Variants in IGF1R observed in about 807,000 individuals in gnomAD.
IGF1R encodes insulin like growth factor 1 receptor.
A neutral mutation model predicts 144.6 loss-of-function variants in IGF1R; 44 were observed. The observed-to-expected ratio is 0.30, with a 90% CI of 0.24 to 0.39. IGF1R has a LOEUF of 0.39. IGF1R is among the 10% of genes least tolerant of loss of function. The pLI, the probability that IGF1R is intolerant of heterozygous loss-of-function variation, is 1.00. For synonymous variants in IGF1R, 795 were observed against 722.8 expected, an observed-to-expected ratio of 1.10 and a Z score of -1.60; for missense variants, 1,355 against 1,833.7, an observed-to-expected ratio of 0.74 and a Z score of 4.77.
chr15:98,803,013 T>A (rs1402940817), intron 2 of IGF1R, among the ~76,000 whole-genome samples: 1 of 152,240 alleles, frequency 6.6e-6, no homozygotes, highest in Non-Finnish European at 1.5e-5. Flanking sequence ...GCTGTTTTTT[T>A]AAAGCTGGAT....
At chr15:98,717,681 T>G (rs1278552510) in intron 2 of IGF1R, among the ~76,000 whole-genome samples, 1 of 152,226 alleles carries the variant, frequency 6.6e-6, no homozygotes, top group East Asian at 1.9e-4. Context: ...TTATTTTGTT[T>G]GCAAGTTTGG....
chr15:98,774,497 T>C (rs1221594734), intron 2 of IGF1R, among the ~76,000 whole-genome samples: 2 of 152,158 alleles, frequency 1.3e-5, no homozygotes, highest in East Asian at 3.9e-4. Flanking sequence ...AGAAGAAATA[T>C]AGAATATTAT....
intron 1 of IGF1R, among the ~76,000 whole-genome samples, chr15:98,654,398 G>A (rs921305467): frequency 1.3e-5 from 2 of 152,162 alleles, no homozygotes; most frequent in Non-Finnish European, 2.9e-5. Flanking sequence ...TTGTAAGAAA[G>A]ATGGAACTTA....
chr15:98,765,037 A>T (rs1299922638), intron 2 of IGF1R, among the ~76,000 whole-genome samples: 1 of 152,168 alleles, frequency 6.6e-6, no homozygotes, highest in Non-Finnish European at 1.5e-5. Flanking sequence ...CCTATTTTGC[A>T]TAGTGCATAT....
chr15:98,895,013 C>G (rs1408061149), intron 3 of IGF1R, among the ~76,000 whole-genome samples: 1 of 132,698 alleles, frequency 7.5e-6, no homozygotes, highest in Non-Finnish European at 1.6e-5. Context: ...AGAGTGAGAC[C>G]CTGTCTCAAA....
intron 2 of IGF1R, among the ~76,000 whole-genome samples, chr15:98,759,977 A>G (rs1409510442): frequency 1.3e-5 from 2 of 152,216 alleles, no homozygotes; most frequent in Admixed American, 6.5e-5. Context: ...CTTTGCTGCC[A>G]CATTTTGCTT....
At chr15:98,778,620 T>A (rs1329481512) in intron 2 of IGF1R, among the ~76,000 whole-genome samples, 1 of 152,232 alleles carries the variant, frequency 6.6e-6, no homozygotes, top group African/African-American at 2.4e-5. Context: ...GGTGGCCATA[T>A]CCTGATTTCC....
intron 2 of IGF1R, among the ~76,000 whole-genome samples, chr15:98,735,051 A>T (rs1448819053): frequency 6.6e-6 from 1 of 152,038 alleles, no homozygotes; most frequent in Non-Finnish European, 1.5e-5. Flanking sequence ...GGCAGTGCTG[A>T]TTAGATTGTG....
chr15:98,655,461 A>G (rs999546260), intron 1 of IGF1R, among the ~76,000 whole-genome samples: 1 of 152,082 alleles, frequency 6.6e-6, no homozygotes, highest in African/African-American at 2.4e-5. Flanking sequence ...GGAAAAACTG[A>G]TATTTCCTTA....
intron 1 of IGF1R, among the ~76,000 whole-genome samples, chr15:98,654,604 T>C (rs1266243841): frequency 1.3e-5 from 2 of 152,086 alleles, no homozygotes; most frequent in East Asian, 3.9e-4. Context: ...TCTTTATAGG[T>C]TGTGATTTTC....
At position 98,923,977 on chromosome 15, in the gene IGF1R, C is replaced by T. The variant is rs768971728; in HGVS notation, c.2587C>T (p.Leu863=). 4.3e-6 allele frequency: 7 copies of T among 1,614,054 alleles called. No individual in the cohort carries two copies. The highest frequency in any genetic ancestry group is 1.6e-4 in the Middle Eastern group (1 of 6,062). Residue 863 remains leucine (L), a synonymous_variant, in exon 12 of 21, where the codon CTA becomes TTA. Transcript: ENST00000650285. ...ACCTGAGAATCCCAATGGATTGATT[C>T]TAATGTATGAAATAAAATACGGATC... is the stretch of plus-strand genomic sequence containing the variant. ...PEPENPNGLI[L]MYEIKYGSQV... is the part of the protein sequence containing the mutation.
At chr15:98,754,015 G>A (rs1268355626) in intron 2 of IGF1R, among the ~76,000 whole-genome samples, 1 of 152,168 alleles carries the variant, frequency 6.6e-6, no homozygotes, top group Admixed American at 6.5e-5. Context: ...ATTTCTCAGG[G>A]AAGCCTTGTT....
At chr15:98,917,621 G>A (rs1417482190) in intron 10 of IGF1R, among the ~76,000 whole-genome samples, 3 of 152,128 alleles carry the variant, frequency 2.0e-5, no homozygotes, top group Non-Finnish European at 2.9e-5. Context: ...AAATGGGCTC[G>A]AACCTTACAG....
At chr15:98,816,027 G>A (rs566849955) in intron 2 of IGF1R, among the ~76,000 whole-genome samples, 28 of 152,282 alleles carry the variant, frequency 1.8e-4, no homozygotes, top group Non-Finnish European at 3.1e-4. Context: ...CTGTGGGGAG[G>A]TCCCTTTCTC....
At chr15:98,870,550 A>G (rs1305716870) in intron 2 of IGF1R, among the ~76,000 whole-genome samples, 1 of 152,210 alleles carries the variant, frequency 6.6e-6, no homozygotes, top group Non-Finnish European at 1.5e-5. Context: ...CTTCCTTCCA[A>G]GGAAAAGAAA....
chr15:98,821,958 T>C (rs1251252668), intron 2 of IGF1R, among the ~76,000 whole-genome samples: 3 of 152,234 alleles, frequency 2.0e-5, no homozygotes, highest in African/African-American at 4.8e-5. Context: ...CAGGTACTTA[T>C]ACCATAAAAG....
intron 5 of IGF1R, among the ~76,000 whole-genome samples, chr15:98,902,190 C>G (rs2014513987): frequency 6.6e-6 from 1 of 152,044 alleles, no homozygotes; most frequent in African/African-American, 2.4e-5. Flanking sequence ...TCAATAGGAG[C>G]GTTTGGGGTT....
intron 2 of IGF1R, among the ~76,000 whole-genome samples, chr15:98,773,287 AAG>A (rs2055635630): frequency 1.3e-5 from 2 of 152,122 alleles, no homozygotes; most frequent in Middle Eastern, 3.2e-3. Context: ...ATTTTCCTAA[AAG>A]AGAAGTATGG....
intron 2 of IGF1R, among the ~76,000 whole-genome samples, chr15:98,814,889 A>G (rs975878833): frequency 6.6e-6 from 1 of 152,204 alleles, no homozygotes; most frequent in Admixed American, 6.5e-5. Context: ...GCTTCCTTAT[A>G]TCTGTGGGGG....
Sources: gnomAD v4.1 joint callset for allele counts (sites outside exome capture counted in the v4.1 genomes callset) on GRCh38, gnomAD v4.1.1 for gene constraint, MANE v1.5 for transcripts, NCBI Gene and HGNC (gene_info 2026-07-23, HGNC 2026-07-21) for gene names.